XRRA1: variants seen among roughly 807,000 people sequenced by gnomAD.
XRRA1 encodes X-ray radiation resistance associated 1.
A neutral mutation model predicts 80.2 loss-of-function variants in XRRA1; 69 were observed. That is an observed-to-expected ratio of 0.86 (90% CI 0.71 to 1.05). XRRA1 has a LOEUF of 1.05. Ranked by LOEUF, XRRA1 falls within the 50% of genes least tolerant of loss-of-function variation. The probability of loss-of-function intolerance (pLI) is 0.00; values close to 1 mark genes in which losing one functional copy is unlikely to be tolerated. For missense variants in XRRA1, 967 were observed against 976.4 expected (o/e 0.99, Z 0.13); for synonymous variants, 348 against 389.9 (o/e 0.89, Z 1.27).
chr11:74,943,510 G>C (rs1946762888), intron 2 of XRRA1, among the ~76,000 whole-genome samples: 1 of 116,580 alleles, frequency 8.6e-6, no homozygotes, highest in South Asian at 2.5e-4. Context: ...GAGGCGAGGG[G>C]AAGAGAGTAG....
intron 7 of XRRA1, among the ~76,000 whole-genome samples, chr11:74,925,670 G>A (rs1440751740): frequency 1.3e-5 from 2 of 152,082 alleles, no homozygotes; most frequent in Non-Finnish European, 2.9e-5. Flanking sequence ...CATCAGATGC[G>A]ATCACACTAT....
intron 6 of XRRA1, among the ~76,000 whole-genome samples, chr11:74,928,870 C>T (rs1338027608): frequency 6.6e-6 from 1 of 152,166 alleles, no homozygotes; most frequent in East Asian, 1.9e-4. Context: ...AGATGCTACA[C>T]CAATGACTAT....
chr11:74,843,257 G>C lies in XRRA1; in HGVS notation c.2346C>G (p.Phe782Leu), dbSNP rs765280052. 6.4e-7 allele frequency: 1 copy of C among 1,571,724 alleles called. No individual in the cohort carries two copies. The highest frequency in any genetic ancestry group is 1.4e-5 in the African/African-American group (1 of 73,960). ...LSESQPKFGH[F>L]LEFMDEFCQE... ...GGCAGAACTCATCCATGAACTCGAG[G>C]AAGTGGCCGAACTTGGGCTGGCTCT... Residue 782 changes from phenylalanine (F) to leucine (L), a missense_variant, in exon 19 of 19, where the codon TTC becomes TTG. Transcript: ENST00000684022.
chr11:74,883,110 C>T (rs2048105892), intron 10 of XRRA1, among the ~76,000 whole-genome samples: 1 of 152,230 alleles, frequency 6.6e-6, no homozygotes, highest in Admixed American at 6.5e-5. Context: ...CTCCCCCAGC[C>T]TCGCTGCCGC....
chr11:74,940,181 T>C (rs759177916), intron 3 of XRRA1, among the ~76,000 whole-genome samples: 6 of 152,236 alleles, frequency 3.9e-5, no homozygotes, highest in Non-Finnish European at 7.3e-5. Flanking sequence ...AGGGCTCTTA[T>C]TATGACAATT....
At chr11:74,864,088 G>A (rs2042882557) in intron 10 of XRRA1, 1 of 152,058 alleles carries the variant, frequency 6.6e-6, no homozygotes. Context: ...TATAAAAAAG[G>A]GAAGAATTAT....
chr11:74,906,520 G>A, intron 9 of XRRA1, 64 bp from the exon 10 acceptor site: 2 of 1,543,464 alleles, frequency 1.3e-6, no homozygotes, highest in Non-Finnish European at 1.8e-6. Flanking sequence ...TGTTTACCAA[G>A]CAACTTTAGG....
At chr11:74,875,731 T>C (rs1245286492) in intron 10 of XRRA1, among the ~76,000 whole-genome samples, 1 of 152,046 alleles carries the variant, frequency 6.6e-6, no homozygotes, top group East Asian at 1.9e-4. Context: ...ATTAACCAGA[T>C]GTGGTGGTGC....
intron 10 of XRRA1, among the ~76,000 whole-genome samples, chr11:74,891,039 C>G (rs1384820879): frequency 3.3e-5 from 5 of 152,168 alleles, no homozygotes; most frequent in Non-Finnish European, 1.5e-5. Context: ...GGGAATCCTC[C>G]CTAATTCATT....
chr11:74,843,878 G>A lies in XRRA1; in HGVS notation c.2125C>T (p.Arg709Trp), dbSNP rs776334769. 2.6e-5 allele frequency: 42 copies of A among 1,611,812 alleles called. No individual in the cohort carries two copies. The highest frequency in any genetic ancestry group is 1.7e-4 in the Middle Eastern group (1 of 6,060). Residue 709 changes from arginine (R) to tryptophan (W), a missense_variant, in exon 18 of 19, where the codon CGG becomes TGG. Transcript: ENST00000684022. ...DDIFIRLRDP[R>W]NITEAPLGAV... Reference sequence around the variant, plus strand: ...CCTAGTGGAGCCTCTGTAATGTTCCGGGGATCCCGCAAGCGAATGAAGATG... The same window carrying A: ...CCTAGTGGAGCCTCTGTAATGTTCCAGGGATCCCGCAAGCGAATGAAGATG...
rs774361897 is a variant in XRRA1 at position 74,843,162 on chromosome 11, C to A, written c.*38G>T. 2 of 1,524,152 alleles carry A rather than the reference C, an allele frequency of 1.3e-6. No homozygotes were observed. The highest frequency in any genetic ancestry group is 2.5e-5 in the South Asian group (2 of 80,526). 94.4% of individuals were successfully genotyped at this position (1,524,152 alleles called of 1,614,324 possible). On this transcript the variant is annotated 3_prime_UTR_variant, in exon 19 of 19. Coordinates refer to ENST00000684022, the MANE Select transcript of XRRA1 (RefSeq NM_001378157.1). ...ACAGAGCCCTCGGGGAGAGCTGGGG[C>A]ACAGGCCGGGTGGTGCACACAGCCC... is the stretch of plus-strand genomic sequence containing the variant.
intron 2 of XRRA1, among the ~76,000 whole-genome samples, chr11:74,941,787 G>A (rs570265622): frequency 2.6e-5 from 4 of 152,024 alleles, no homozygotes; most frequent in African/African-American, 9.7e-5. Context: ...GCTGATGAGA[G>A]TTCATGTTAA....
At chr11:74,925,629 G>C (rs77670040) in intron 7 of XRRA1, among the ~76,000 whole-genome samples, 3 of 152,054 alleles carry the variant, frequency 2.0e-5, no homozygotes, top group African/African-American at 7.3e-5. Flanking sequence ...ATACCCTTTC[G>C]TAAGGGTAGG....
At chr11:74,908,214 G>A (rs759742972) in intron 8 of XRRA1, among the ~76,000 whole-genome samples, 2 of 152,320 alleles carry the variant, frequency 1.3e-5, no homozygotes, top group East Asian at 3.9e-4. Flanking sequence ...TTTTGTATGT[G>A]TTATCCAAGG....
chr11:74,890,506 G>GCAAA (rs1425757309), intron 10 of XRRA1, among the ~76,000 whole-genome samples: 2 of 152,114 alleles, frequency 1.3e-5, no homozygotes, highest in Non-Finnish European at 2.9e-5. Context: ...AGAAGCAAGA[G>GCAAA]CAAACACATT....
intron 10 of XRRA1, among the ~76,000 whole-genome samples, chr11:74,866,798 G>A (rs2043538721): frequency 6.6e-6 from 1 of 151,844 alleles, no homozygotes; most frequent in African/African-American, 2.4e-5. Context: ...TACAGTCAGA[G>A]GAGAAAAAAG....
chr11:74,894,422 T>C (rs1208578431), intron 10 of XRRA1, among the ~76,000 whole-genome samples: 2 of 152,184 alleles, frequency 1.3e-5, no homozygotes, highest in African/African-American at 2.4e-5. Flanking sequence ...CGTTCTCACA[T>C]TGCTATAAGA....
At chr11:74,923,634 G>A (rs1941481684) in intron 7 of XRRA1, among the ~76,000 whole-genome samples, 1 of 151,962 alleles carries the variant, frequency 6.6e-6, no homozygotes, top group Non-Finnish European at 1.5e-5. Context: ...CCCTTCAATG[G>A]ATCCCTATTC....
intron 12 of XRRA1, among the ~76,000 whole-genome samples, chr11:74,858,811 C>G (rs1375212525): frequency 6.6e-6 from 1 of 152,196 alleles, no homozygotes; most frequent in African/African-American, 2.4e-5. Flanking sequence ...CTTCATAACA[C>G]TAAGCATGCT....
Sources: gnomAD v4.1 joint callset for allele counts (sites outside exome capture counted in the v4.1 genomes callset) on GRCh38, gnomAD v4.1.1 for gene constraint, MANE v1.5 for transcripts, NCBI Gene and HGNC (gene_info 2026-07-23, HGNC 2026-07-21) for gene names.